CEP170B: variants seen among roughly 807,000 people sequenced by gnomAD.
The protein encoded by CEP170B is centrosomal protein 170B.
A neutral mutation model predicts 120.6 loss-of-function variants in CEP170B; 55 were observed. The ratio of observed to expected loss-of-function variants is 0.46; its 90% CI spans 0.37 to 0.57. CEP170B has a LOEUF of 0.57. Ranked by LOEUF, CEP170B falls within the 20% of genes least tolerant of loss-of-function variation. CEP170B has a pLI of 0.00. For missense variants in CEP170B, 2,212 were observed against 2,253.3 expected (o/e 0.98, Z 0.37); for synonymous variants, 1,033 against 954.5 (o/e 1.08, Z -1.52).
chr14:104,889,482 G>C (rs1896681450), intron 12 of CEP170B, 138 bp from the exon 13 acceptor site: 1 of 1,533,438 alleles, frequency 6.5e-7, no homozygotes, highest in Non-Finnish European at 8.7e-7. Flanking sequence ...GCTTTGTTCT[G>C]TTCTTGCTTC....
At chr14:104,876,704 C>G (rs934212468) in intron 3 of CEP170B, among the ~76,000 whole-genome samples, 5 of 152,198 alleles carry the variant, frequency 3.3e-5, no homozygotes, top group Admixed American at 6.5e-5. Flanking sequence ...CGCCAAGGAT[C>G]AGGCTGCTCT....
intron 2 of CEP170B, among the ~76,000 whole-genome samples, chr14:104,872,278 TGTGTGTGCCGCGTGTGTGTGCCATGG>T (rs1566852134): frequency 1.4e-5 from 1 of 69,192 alleles, no homozygotes. Context: ...GGGTGTGCCG[TGTGTGTGCCGCGTGTGTGTGCCATGG>T]GTGTGCGTGT....
Position 104,894,749 on chromosome 14 carries a change from C to T in CEP170B, c.4456C>T (p.Leu1486=). ...AIVDPSGSLD[L]LTGNRSLASS... ...CGTGGACCCCAGTGGGAGCCTGGAC[C>T]TGCTCACAGGAAACAGGAGCTTGGC... Residue 1486 remains leucine, a synonymous_variant, in exon 19 of 19, where the codon CTG becomes TTG. Coordinates refer to ENST00000414716, the MANE Select transcript of CEP170B (RefSeq NM_001112726.3). 1 of 1,597,988 alleles carries T rather than the reference C, an allele frequency of 6.3e-7. No homozygotes were observed. Among genetic ancestry groups the T allele is most frequent in the Admixed American group, 1.7e-5 (1 of 59,260 alleles).
In CEP170B at chr14:104,894,777, G is replaced by T; in HGVS notation, c.4484G>T (p.Ser1495Ile). The T allele has an allele frequency of 6.2e-7, 1 of 1,606,424 alleles. No individual in the cohort carries two copies. Among genetic ancestry groups the T allele is most frequent in the South Asian group, 1.1e-5 (1 of 90,898 alleles). The change falls in exon 19 of 19, where the codon AGC (serine) becomes ATC (isoleucine). Residue 1495 changes from serine to isoleucine, a missense_variant. By Grantham distance (142) the Ser-to-Ile change is moderately radical. This residue lies in a region of CEP170B where 2,166 missense variants were observed against 2,166.7 expected (regional missense o/e 1.00). Transcript: ENST00000414716. ...CTCACAGGAAACAGGAGCTTGGCCAGCTCTGCACAGCCGGGGCTGGGGAAG... is the reference window on the plus strand; with the variant it reads ...CTCACAGGAAACAGGAGCTTGGCCATCTCTGCACAGCCGGGGCTGGGGAAG... ...DLLTGNRSLA[S>I]SAQPGLGKGR...
Position 104,894,751 on chromosome 14 carries a change from G to A in CEP170B, c.4458G>A (p.Leu1486=), listed in dbSNP as rs1400939868. The change falls in exon 19 of 19, where the codon CTG becomes CTA. Residue 1486 remains leucine (L), a synonymous_variant. Transcript: ENST00000414716. ...TGGACCCCAGTGGGAGCCTGGACCTGCTCACAGGAAACAGGAGCTTGGCCA... is the reference window on the plus strand; with the variant it reads ...TGGACCCCAGTGGGAGCCTGGACCTACTCACAGGAAACAGGAGCTTGGCCA... ...AIVDPSGSLD[L]LTGNRSLASS... 2 of 1,599,558 alleles carry A rather than the reference G, an allele frequency of 1.3e-6. No individual in the cohort carries two copies. Among genetic ancestry groups the A allele is most frequent in the Middle Eastern group, 1.7e-4 (1 of 6,028 alleles).
Position 104,895,130 on chromosome 14 carries a change from C to T in CEP170B, c.*172C>T, listed in dbSNP as rs928274399. On this transcript the variant is annotated 3_prime_UTR_variant, in exon 19 of 19. Transcript: ENST00000414716. Reference sequence around the variant, plus strand: ...TGCCCCCTCGTCAGCTCCCAGCCAGCACCCTACTCACCCTGTCCAGCCCCA... The same window carrying T: ...TGCCCCCTCGTCAGCTCCCAGCCAGTACCCTACTCACCCTGTCCAGCCCCA... The T allele has an allele frequency of 1.0e-5, 7 of 689,224 alleles. No homozygotes were observed. In the African/African-American group the frequency reaches 1.1e-4, roughly 11 times the overall value. The allele number at this position is 689,224 out of a possible 1,614,324, so 42.7% of individuals were successfully genotyped here. A position where few individuals can be genotyped will look rare whatever the true frequency, so the allele number is the denominator to read the frequency against.
intron 7 of CEP170B, 61 bp from the exon 8 acceptor site, chr14:104,882,974 G>A: frequency 6.8e-7 from 1 of 1,466,198 alleles, no homozygotes; most frequent in Non-Finnish European, 9.1e-7. Flanking sequence ...GGTCCTGGCT[G>A]AGGAGGGTGG....
rs1291014467 is a variant in CEP170B at position 104,887,974 on chromosome 14, C to T, written c.3735C>T (p.Thr1245=). The T allele has an allele frequency of 2.7e-5, 41 of 1,498,328 alleles. No individual in the cohort carries two copies. The highest frequency in any genetic ancestry group is 3.3e-5 in the Non-Finnish European group (37 of 1,123,392). 92.8% of individuals were successfully genotyped at this position (1,498,328 alleles called of 1,614,324 possible). A position where few individuals can be genotyped will look rare whatever the true frequency, so the allele number is the denominator to read the frequency against. The stretch of plus-strand genomic sequence containing the variant: ...CCCGCTCAGGCAGTGCCCGATACAC[C>T]TCCAGTGAGTGCCAGGGCGGGTGGG... The part of the protein sequence containing the change: ...SRARSGSARY[T]STTQTPRAGS... The change falls in exon 12 of 19, where the codon ACC becomes ACT. Residue 1245 remains threonine, a synonymous_variant. Coordinates refer to ENST00000414716, the MANE Select transcript of CEP170B (RefSeq NM_001112726.3).
In CEP170B at chr14:104,895,201, A is replaced by G. The variant is rs1429169279; in HGVS notation, c.*243A>G. On this transcript the variant is annotated 3_prime_UTR_variant, in exon 19 of 19. Coordinates refer to ENST00000414716, the MANE Select transcript of CEP170B (RefSeq NM_001112726.3). ...TCGCCCCCTACAGGCCTCTGGGCCCAGCTCCTGGCCAGGCTGCTGCCAAGG... is the reference window on the plus strand; with the variant it reads ...TCGCCCCCTACAGGCCTCTGGGCCCGGCTCCTGGCCAGGCTGCTGCCAAGG... 4.3e-6 allele frequency: 2 copies of G among 462,430 alleles called. No homozygotes were observed. The highest frequency in any genetic ancestry group is 7.5e-6 in the Non-Finnish European group (2 of 267,518). 28.6% of individuals were successfully genotyped at this position (462,430 alleles called of 1,614,324 possible).
chr14:104,868,558 T>C lies in CEP170B; in HGVS notation c.105+3T>C. 1 of 1,548,954 alleles carries C rather than the reference T, an allele frequency of 6.5e-7. No homozygotes were observed. Among genetic ancestry groups the C allele is most frequent in the Non-Finnish European group, 8.7e-7 (1 of 1,146,692 alleles). ...AGGAGTGTGAGCTCATGCTACAGGT[T>C]TGCAGGGAGCGCTTGGGGCCAGGAG... On this transcript the variant is annotated splice_donor_region_variant and intron_variant, in intron 2 of 18. Coordinates refer to ENST00000414716, the MANE Select transcript of CEP170B (RefSeq NM_001112726.3). The surrounding 1 kb of genome is among the most constrained non-coding windows in gnomAD (Gnocchi z 5.9).
chr14:104,886,937 G>A lies in CEP170B; in HGVS notation c.2698G>A (p.Ala900Thr), dbSNP rs771487012. 1.2e-6 allele frequency: 2 copies of A among 1,608,872 alleles called. No individual in the cohort carries two copies. Among genetic ancestry groups the A allele is most frequent in the Non-Finnish European group, 1.7e-6 (2 of 1,179,800 alleles). The change falls in exon 12 of 19, where the codon GCC (alanine) becomes ACC (threonine). Residue 900 changes from alanine to threonine, a missense_variant. Physicochemically the swap from Ala to Thr is moderately conservative, Grantham distance 58. Coordinates refer to ENST00000414716, the MANE Select transcript of CEP170B (RefSeq NM_001112726.3). ...TCTACAGGACCTGGCCGCTACCCGG[G>A]CCGCACGCATGGACTTCCACTCCCA... Reference protein sequence around the residue: ...PLLQDLAATRAARMDFHSQDT... With the variant: ...PLLQDLAATRTARMDFHSQDT...
chr14:104,884,155 C>T lies in CEP170B; in HGVS notation c.1376C>T (p.Ser459Leu), dbSNP rs550561242. The change falls in exon 9 of 19, where the codon TCG (serine) becomes TTG (leucine). Residue 459 changes from serine (S) to leucine (L), a missense_variant. By Grantham distance (145) the Ser-to-Leu change is moderately radical. Transcript: ENST00000414716. ...CCAGTCCAGGCAGGGGGCCGCAGCT[C>T]GGGGCCACAGAGGGCCGGCTCGCTC... ...PAPVQAGGRSSGPQRAGSLKR... is the reference protein window; with the variant it reads ...PAPVQAGGRSLGPQRAGSLKR... 11 of 1,553,952 alleles carry T rather than the reference C, an allele frequency of 7.1e-6. No individual in the cohort carries two copies. Among genetic ancestry groups the T allele is most frequent in the East Asian group, 2.4e-5 (1 of 41,544 alleles).
chr14:104,890,374 GTGGATGGATGGATGAGTGGATGGA>G (rs1896762389), intron 13 of CEP170B, among the ~76,000 whole-genome samples: 1 of 125,386 alleles, frequency 8.0e-6, no homozygotes. Flanking sequence ...GAGTGGGTGG[GTGGATGGATGGATGAGTGGATGGA>G]TGGATGGATG....
chr14:104,882,642 T>C (rs1325462975), intron 6 of CEP170B, 86 bp from the exon 7 acceptor site: 4 of 1,086,450 alleles, frequency 3.7e-6, no homozygotes, highest in Non-Finnish European at 5.3e-6. Context: ...TGCCCCAGAG[T>C]CCAGCCTCTC....
intron 15 of CEP170B, 23 bp from the exon 16 acceptor site, chr14:104,893,738 A>G (rs748197216): frequency 1.3e-5 from 21 of 1,598,300 alleles, no homozygotes; most frequent in African/African-American, 4.0e-5. Flanking sequence ...GGGCGGGGCC[A>G]TGCTGAGGCC....
rs1158861925 is a variant in CEP170B at position 104,868,385 on chromosome 14, G to A, written c.-27-39G>A. The A allele has an allele frequency of 3.5e-6, 5 of 1,430,548 alleles. No homozygotes were observed. The East Asian group carries it at 1.2e-4, about 35-fold the overall frequency. The allele number at this position is 1,430,548 out of a possible 1,614,324, so 88.6% of individuals were successfully genotyped here. On this transcript the variant is annotated intron_variant, in intron 1 of 18. Transcript: ENST00000414716. The surrounding 1 kb of genome is among the most constrained non-coding windows in gnomAD (Gnocchi z 5.9). ...GATGTGTCCAGGGGGCTAAGAACCAGGCCAGGGAGCCCCACTCTAACAATC... is the reference window on the plus strand; with the variant it reads ...GATGTGTCCAGGGGGCTAAGAACCAAGCCAGGGAGCCCCACTCTAACAATC...
rs373319320 is a variant in CEP170B, at chr14:104,877,929, G to A, written c.240G>A (p.Thr80=). ...GCATCCCGGACCAGAAGTACGTCAC[G>A]CTGAAGCTCAACGATGTCATCCGCT... ...DMRIPDQKYV[T]LKLNDVIRFG... is the part of the protein sequence containing the mutation. Residue 80 remains threonine (T), a synonymous_variant, in exon 4 of 19, where the codon ACG becomes ACA. Transcript: ENST00000414716. 79 of 1,596,380 alleles carry A rather than the reference G, an allele frequency of 4.9e-5. No homozygotes were observed. The highest frequency in any genetic ancestry group is 6.3e-5 in the Non-Finnish European group (74 of 1,172,256).
chr14:104,864,606 G>A (rs1399932736), upstream of CEP170B, among the ~76,000 whole-genome samples: 1 of 151,850 alleles, frequency 6.6e-6, no homozygotes, highest in Non-Finnish European at 1.5e-5. This position sits in a 1 kb window ranked among gnomAD's most constrained non-coding sequence, Gnocchi z 5.9. Flanking sequence ...CCACCCCTCG[G>A]CCAGGTCAGG....
At chr14:104,893,189 C>T (rs1306166452) in intron 14 of CEP170B, 54 bp downstream of exon 14, 20 of 1,550,516 alleles carry the variant, frequency 1.3e-5, no homozygotes, top group Non-Finnish European at 1.7e-5. Context: ...CGAGGAGGGT[C>T]AGGCCAGGTC....
Sources: allele counts gnomAD v4.1 joint callset (sites outside exome capture counted in the v4.1 genomes callset), GRCh38; gene constraint gnomAD v4.1.1; regional missense constraint gnomAD v4.1.1; non-coding constraint Gnocchi (gnomAD v3.1); transcripts MANE v1.5; gene names NCBI Gene and HGNC (gene_info 2026-07-23, HGNC 2026-07-21).